The following SLC24A2 variants were observed in gnomAD, a reference collection of about 807,000 sequenced individuals.
The protein encoded by SLC24A2 is solute carrier family 24 member 2, also known as sodium/potassium/calcium exchanger 2.
A neutral mutation model predicts 62.0 loss-of-function variants in SLC24A2; 36 were observed. That is an observed-to-expected ratio of 0.58 (90% CI 0.44 to 0.77). SLC24A2 has a LOEUF of 0.77. SLC24A2 is among the 30% of genes least tolerant of loss of function. The pLI is 0.00. For synonymous variants in SLC24A2, 358 were observed against 294.0 expected (o/e 1.22, Z -2.23); for missense variants, 846 against 817.9 (o/e 1.03, Z -0.42).
the SLC24A2 span, among the ~76,000 whole-genome samples, chr9:19,847,067 T>C: frequency 2.6e-5 from 4 of 152,270 alleles, no homozygotes; most frequent in African/African-American, 9.6e-5. Flanking sequence ...ATATAATTTT[T>C]AGGTAAAAAC....
At chr9:19,682,571 G>T (rs949020685) in intron 2 of SLC24A2, among the ~76,000 whole-genome samples, 43 of 152,064 alleles carry the variant, frequency 2.8e-4, no homozygotes, top group African/African-American at 9.4e-4. Context: ...CTGAGGAAAG[G>T]CCTGTTTCCA....
the SLC24A2 span, among the ~76,000 whole-genome samples, chr9:20,307,079 T>C: frequency 1.3e-5 from 2 of 152,252 alleles, no homozygotes; most frequent in Admixed American, 1.3e-4. Flanking sequence ...TTTTAAATCA[T>C]CTTATGTTTT....
chr9:20,044,644 C>T, the SLC24A2 span, among the ~76,000 whole-genome samples: 1 of 86,662 alleles, frequency 1.2e-5, no homozygotes, highest in East Asian at 1.2e-3. Context: ...AAAAATTATA[C>T]AATGACCCAG....
At chr9:20,199,211 G>T in the SLC24A2 span, among the ~76,000 whole-genome samples, 19 of 152,322 alleles carry the variant, frequency 1.2e-4, no homozygotes, top group East Asian at 2.7e-3. Context: ...CAAATGGAGA[G>T]CAAGTGGTCC....
the SLC24A2 span, among the ~76,000 whole-genome samples, chr9:20,221,456 T>G: frequency 6.6e-6 from 1 of 151,974 alleles, no homozygotes; most frequent in African/African-American, 2.4e-5. Context: ...AAACAAGACT[T>G]GTTTTGAATG....
intron 2 of SLC24A2, among the ~76,000 whole-genome samples, chr9:19,644,593 G>T (rs573467918): frequency 6.6e-6 from 1 of 152,112 alleles, no homozygotes; most frequent in Non-Finnish European, 1.5e-5. Context: ...CTAATTTATC[G>T]TGCTGCCCTC....
the SLC24A2 span, among the ~76,000 whole-genome samples, chr9:19,977,563 T>G: frequency 5.3e-5 from 8 of 152,246 alleles, no homozygotes; most frequent in African/African-American, 1.4e-4. Flanking sequence ...GTCTGGACAC[T>G]CTTCTGAAAT....
At chr9:20,217,049 C>T in the SLC24A2 span, among the ~76,000 whole-genome samples, 799 of 152,084 alleles carry the variant, frequency 5.3e-3, 5 homozygotes, top group Non-Finnish European at 6.7e-3. Flanking sequence ...TCATGATACC[C>T]CCAAACAGAA....
intron 7 of SLC24A2, among the ~76,000 whole-genome samples, chr9:19,555,974 T>G (rs560611614): frequency 1.3e-5 from 2 of 152,272 alleles, no homozygotes; most frequent in South Asian, 2.1e-4. Flanking sequence ...AGAATATACA[T>G]GTTATTCTAA....
At chr9:19,561,863 C>A (rs897923920) in intron 7 of SLC24A2, among the ~76,000 whole-genome samples, 17 of 152,136 alleles carry the variant, frequency 1.1e-4, no homozygotes, top group Non-Finnish European at 2.4e-4. Context: ...ACCCTAAACA[C>A]AACATGAGAA....
At chr9:20,020,291 G>A in the SLC24A2 span, among the ~76,000 whole-genome samples, 1 of 152,136 alleles carries the variant, frequency 6.6e-6, no homozygotes, top group African/African-American at 2.4e-5. Flanking sequence ...TTGCAGCACT[G>A]TTCACAATAG....
chr9:20,145,240 T>C, the SLC24A2 span, among the ~76,000 whole-genome samples: 2 of 152,070 alleles, frequency 1.3e-5, no homozygotes, highest in African/African-American at 4.8e-5. Context: ...GCAGGGGCAA[T>C]ATTAAAGACT....
chr9:20,283,795 C>T, the SLC24A2 span, among the ~76,000 whole-genome samples: 1 of 151,436 alleles, frequency 6.6e-6, no homozygotes, highest in South Asian at 2.1e-4. Flanking sequence ...TTTATAGGCT[C>T]GCCTCTTTCC....
At chr9:19,785,087 T>C (rs1823122796) in intron 2 of SLC24A2, among the ~76,000 whole-genome samples, 2 of 152,192 alleles carry the variant, frequency 1.3e-5, no homozygotes, top group Non-Finnish European at 2.9e-5. Flanking sequence ...AGGATATAAA[T>C]CAGAACTCCA....
the SLC24A2 span, among the ~76,000 whole-genome samples, chr9:19,883,785 T>A: frequency 6.6e-6 from 1 of 152,158 alleles, no homozygotes; most frequent in Non-Finnish European, 1.5e-5. Context: ...CAGGATGGTC[T>A]TGATCTCCTG....
chr9:19,990,803 G>A, the SLC24A2 span, among the ~76,000 whole-genome samples: 2 of 148,838 alleles, frequency 1.3e-5, no homozygotes, highest in African/African-American at 2.5e-5. Context: ...GTGGATCCAC[G>A]TTGAATATGC....
intron 2 of SLC24A2, among the ~76,000 whole-genome samples, chr9:19,675,622 G>A (rs1295300620): frequency 2.6e-5 from 4 of 152,170 alleles, no homozygotes; most frequent in East Asian, 1.9e-4. Flanking sequence ...CATGAAGGTC[G>A]CCAGGGAAGT....
chr9:20,281,825 G>A, the SLC24A2 span, among the ~76,000 whole-genome samples: 2 of 152,170 alleles, frequency 1.3e-5, no homozygotes, highest in African/African-American at 4.8e-5. Context: ...GAATAATCTG[G>A]GGAAAATTGA....
intron 4 of SLC24A2, among the ~76,000 whole-genome samples, chr9:19,603,556 C>T (rs886546634): frequency 1.3e-5 from 2 of 152,078 alleles, no homozygotes; most frequent in African/African-American, 4.8e-5. Flanking sequence ...ACTCACAATC[C>T]AACCAGTCAC....
Sources: gnomAD v4.1 joint callset for allele counts (sites outside exome capture counted in the v4.1 genomes callset) on GRCh38, gnomAD v4.1.1 for gene constraint, MANE v1.5 for transcripts, NCBI Gene and HGNC (gene_info 2026-07-23, HGNC 2026-07-21) for gene names.